The following OSBPL10 variants were observed in gnomAD, a reference collection of about 807,000 sequenced individuals.
OSBPL10 encodes oxysterol-binding protein-related protein 10.
A neutral mutation model predicts 81.7 loss-of-function variants in OSBPL10; 49 were observed. That is an observed-to-expected ratio of 0.60 (90% confidence interval 0.48 to 0.76). OSBPL10 has a LOEUF of 0.76. OSBPL10 is among the 30% of genes least tolerant of loss of function. The pLI is 0.00. For missense variants in OSBPL10, 923 were observed against 987.8 expected (o/e 0.93, Z 0.88); for synonymous variants, 419 against 383.6 (o/e 1.09, Z -1.08).
At chr3:31,677,735 G>C (rs988716923) in intron 8 of OSBPL10, among the ~76,000 whole-genome samples, 1 of 152,148 alleles carries the variant, frequency 6.6e-6, no homozygotes, top group Non-Finnish European at 1.5e-5. Context: ...ATGATCCTGA[G>C]ACCTCACAGG....
intron 1 of OSBPL10, among the ~76,000 whole-genome samples, chr3:31,929,888 A>T (rs1450301038): frequency 6.6e-6 from 1 of 151,928 alleles, no homozygotes; most frequent in Non-Finnish European, 1.5e-5. Context: ...AATCCCAGCT[A>T]CACAGGACAG....
intron 1 of OSBPL10, among the ~76,000 whole-genome samples, chr3:31,928,450 A>G (rs1166202406): frequency 6.6e-6 from 1 of 151,960 alleles, no homozygotes; most frequent in Non-Finnish European, 1.5e-5. Flanking sequence ...CACAGACCCT[A>G]CCATCTACCT....
intron 4 of OSBPL10, among the ~76,000 whole-genome samples, chr3:31,812,806 GAAAGAAAGAAA>G (rs1699737182): frequency 1.9e-5 from 1 of 51,686 alleles, no homozygotes; most frequent in Admixed American, 2.5e-4. Context: ...AAGAAAGAAA[GAAAGAAAGAAA>G]GAGAAAGAAA....
intron 1 of OSBPL10, among the ~76,000 whole-genome samples, chr3:32,046,883 T>A (rs1017148905): frequency 2.0e-5 from 3 of 152,174 alleles, no homozygotes; most frequent in African/African-American, 7.2e-5. Context: ...AACAGGGACA[T>A]GCAAGAAGTC....
chr3:31,854,636 A>G lies in OSBPL10; in HGVS notation c.537+21797T>C, dbSNP rs183500570. On this transcript the variant is annotated intron_variant, in intron 3 of 11. Coordinates refer to ENST00000396556, the MANE Select transcript of OSBPL10 (RefSeq NM_017784.5). Reference sequence around the variant, plus strand: ...CAAAGAAATAATTTCAAACTTATAGAAAGTTGAAAAGAAAACCCACCACGT... The same window carrying G: ...CAAAGAAATAATTTCAAACTTATAGGAAGTTGAAAAGAAAACCCACCACGT... Among the ~76,000 whole-genome samples the G allele has an allele frequency of 5.5e-3, 831 of 152,324 alleles. 8 individuals carry two copies. Among genetic ancestry groups the G allele is most frequent in the African/African-American group, 0.019 (770 of 41,572 alleles).
intron 3 of OSBPL10, among the ~76,000 whole-genome samples, chr3:31,855,565 C>T (rs894783314): frequency 1.4e-4 from 21 of 152,170 alleles, no homozygotes; most frequent in Non-Finnish European, 2.9e-4. Context: ...ACAAGCTACA[C>T]GTAGTCACTT....
intron 3 of OSBPL10, among the ~76,000 whole-genome samples, chr3:31,872,348 C>G (rs1365408260): frequency 2.0e-5 from 3 of 152,196 alleles, no homozygotes; most frequent in Non-Finnish European, 4.4e-5. Context: ...CTTAGCACCA[C>G]AGCCTCCTGG....
Position 31,830,093 on chromosome 3 carries a change from C to T in OSBPL10, c.676G>A (p.Ala226Thr), listed in dbSNP as rs767541909. The change falls in exon 4 of 12, where the codon GCC becomes ACC. Residue 226 changes from alanine to threonine, a missense_variant. Coordinates refer to ENST00000396556, the MANE Select transcript of OSBPL10 (RefSeq NM_017784.5). ...TACTGACTCTTGGCTCTTCGGGCGGCTGCAGGCGACTTGTGATGCGTGATT... is the reference window on the plus strand; with the variant it reads ...TACTGACTCTTGGCTCTTCGGGCGGTTGCAGGCGACTTGTGATGCGTGATT... ...VTITHHKSPAAARRAKSQYSG... is the reference protein window; with the variant it reads ...VTITHHKSPATARRAKSQYSG... 2.5e-6 allele frequency: 4 copies of T among 1,614,106 alleles called. No individual in the cohort carries two copies. The highest frequency in any genetic ancestry group is 3.4e-6 in the Non-Finnish European group (4 of 1,180,016).
chr3:31,783,144 T>TACAC (rs1193969514), intron 4 of OSBPL10, among the ~76,000 whole-genome samples: 52 of 100,642 alleles, frequency 5.2e-4, no homozygotes, highest in Non-Finnish European at 7.4e-4. Context: ...TATATATATA[T>TACAC]ATACACACAC....
At chr3:31,790,725 C>G (rs1698988603) in intron 4 of OSBPL10, among the ~76,000 whole-genome samples, 2 of 152,154 alleles carry the variant, frequency 1.3e-5, no homozygotes, top group African/African-American at 4.8e-5. Context: ...GCTTCAACCA[C>G]CCACTGACAC....
chr3:31,707,756 A>G (rs1227637569), intron 6 of OSBPL10, among the ~76,000 whole-genome samples: 2 of 152,228 alleles, frequency 1.3e-5, no homozygotes, highest in Non-Finnish European at 2.9e-5. Flanking sequence ...ATGTCCCCTC[A>G]TAGACAAATT....
intron 3 of OSBPL10, among the ~76,000 whole-genome samples, chr3:31,869,987 G>C (rs965905950): frequency 6.6e-6 from 1 of 152,214 alleles, no homozygotes; most frequent in Non-Finnish European, 1.5e-5. Flanking sequence ...GCCTGCTCTC[G>C]GCACCTCCTC....
intron 8 of OSBPL10, among the ~76,000 whole-genome samples, chr3:31,675,666 C>A (rs1700450005): frequency 6.6e-6 from 1 of 152,182 alleles, no homozygotes; most frequent in African/African-American, 2.4e-5. Flanking sequence ...AACTGCAGGG[C>A]CAGGCGCAGT....
At chr3:31,774,405 C>T (rs973372959) in intron 4 of OSBPL10, among the ~76,000 whole-genome samples, 4 of 152,136 alleles carry the variant, frequency 2.6e-5, no homozygotes, top group African/African-American at 4.8e-5. Flanking sequence ...AGCGGAGTGT[C>T]GAGGCTGGCT....
At chr3:31,968,953 C>T (rs1698479743) in intron 1 of OSBPL10, among the ~76,000 whole-genome samples, 1 of 152,196 alleles carries the variant, frequency 6.6e-6, no homozygotes, top group Non-Finnish European at 1.5e-5. Flanking sequence ...GACAAATGCT[C>T]TCTCAACGGC....
intron 1 of OSBPL10, among the ~76,000 whole-genome samples, chr3:31,912,120 G>C (rs966391315): frequency 6.6e-6 from 1 of 152,134 alleles, no homozygotes; most frequent in African/African-American, 2.4e-5. Flanking sequence ...AATTGGCTGG[G>C]CGCAGTGGCT....
chr3:31,798,402 C>T (rs1304268468), intron 4 of OSBPL10, among the ~76,000 whole-genome samples: 3 of 149,410 alleles, frequency 2.0e-5, no homozygotes, highest in African/African-American at 4.9e-5. Flanking sequence ...TGCACTTCAG[C>T]CTGGGTGACA....
chr3:31,792,915 A>C (rs1417202597), intron 4 of OSBPL10, among the ~76,000 whole-genome samples: 2 of 136,722 alleles, frequency 1.5e-5, no homozygotes, highest in African/African-American at 5.2e-5. Context: ...TGTGTTGTAG[A>C]TGCTCAGCTA....
Position 31,661,816 on chromosome 3 carries a change from C to G in OSBPL10, c.*256G>C, listed in dbSNP as rs546340765. On this transcript the variant is annotated 3_prime_UTR_variant, in exon 12 of 12. Coordinates refer to ENST00000396556, the MANE Select transcript of OSBPL10 (RefSeq NM_017784.5). Reference sequence around the variant, plus strand: ...CAGTATTTAAATGTGTAATCATACTCAGATGTTTACATAGTGCATGTGTGT... The same window carrying G: ...CAGTATTTAAATGTGTAATCATACTGAGATGTTTACATAGTGCATGTGTGT... 5 of 372,840 alleles carry G rather than the reference C, an allele frequency of 1.3e-5. No homozygotes were observed. In the South Asian group the frequency reaches 5.0e-4, roughly 37 times the overall value. 23.1% of individuals were successfully genotyped at this position (372,840 alleles called of 1,614,324 possible).
Sources: allele counts gnomAD v4.1 joint callset (sites outside exome capture counted in the v4.1 genomes callset), GRCh38; gene constraint gnomAD v4.1.1; transcripts MANE v1.5; gene names NCBI Gene and HGNC (gene_info 2026-07-23, HGNC 2026-07-21).